The following ATP2B2 variants were observed in gnomAD, a reference collection of about 807,000 sequenced individuals.
The protein encoded by ATP2B2 is plasma membrane calcium-transporting ATPase 2.
ATP2B2 carries 15 observed loss-of-function variants against 120.0 expected under a neutral mutation model. The observed-to-expected ratio is 0.12, with a 90% CI of 0.08 to 0.19. The LOEUF is 0.19. Among genes scored for constraint, ATP2B2 ranks in the 10% least tolerant of loss-of-function variants. The pLI, the probability that ATP2B2 is intolerant of heterozygous loss-of-function variation, is 1.00. For missense variants in ATP2B2, 1,045 were observed against 1,719.8 expected (o/e 0.61, Z 6.94); for synonymous variants, 694 against 700.3 (o/e 0.99, Z 0.14).
chr3:10,388,538 T>C (rs1279658396), intron 5 of ATP2B2, 136 bp from the exon 6 acceptor site: 1 of 1,308,808 alleles, frequency 7.6e-7, no homozygotes, highest in African/African-American at 1.5e-5. Flanking sequence ...TGGTTAAGAT[T>C]CACACTGTGT....
Position 10,374,493 on chromosome 3 carries a change from C to A in ATP2B2, c.1416+937G>T, listed in dbSNP as rs551803065. ...CTCACCATGCCCTCTGGAGGCTCTG[C>A]CAATTTCTCAGAGTGAATGCCTCGT... On this transcript the variant is annotated intron_variant, in intron 11 of 22. Transcript: ENST00000360273. Among the ~76,000 whole-genome samples the A allele has an allele frequency of 2.0e-4, 31 of 152,362 alleles. 1 individual carries two copies. The South Asian group carries it at 6.0e-3, about 29-fold the overall frequency.
At chr3:10,699,763 C>T (rs1255920822) in intron 1 of ATP2B2, among the ~76,000 whole-genome samples, 1 of 152,066 alleles carries the variant, frequency 6.6e-6, no homozygotes, top group East Asian at 1.9e-4. Flanking sequence ...TTTTTATCTC[C>T]AGAGTGGGTT....
At chr3:10,337,503 TG>T (rs34396211) in intron 22 of ATP2B2, among the ~76,000 whole-genome samples, 151,901 of 152,006 alleles carry the variant, frequency 1, 75,898 homozygotes, top group Middle Eastern at 1. Context: ...GGTATGTGTG[TG>T]GGGGGGTCGG....
At chr3:10,519,829 T>A (rs1311125316) in intron 3 of ATP2B2, among the ~76,000 whole-genome samples, 1 of 152,270 alleles carries the variant, frequency 6.6e-6, no homozygotes, top group Non-Finnish European at 1.5e-5. Flanking sequence ...CTCCACTCTC[T>A]GTGCCAGCAC....
chr3:10,431,250 A>G (rs1482795250), intron 2 of ATP2B2, among the ~76,000 whole-genome samples: 2 of 152,318 alleles, frequency 1.3e-5, no homozygotes, highest in East Asian at 3.9e-4. Flanking sequence ...ACTGACTCCA[A>G]TTTTGAAAGT....
At chr3:10,438,646 G>A (rs1379751075) in intron 2 of ATP2B2, among the ~76,000 whole-genome samples, 3 of 152,224 alleles carry the variant, frequency 2.0e-5, no homozygotes, top group African/African-American at 7.2e-5. Context: ...ACCAGGAGGA[G>A]TAAGATAATC....
At chr3:10,549,198 C>T (rs2125508854) in intron 2 of ATP2B2, among the ~76,000 whole-genome samples, 1 of 152,266 alleles carries the variant, frequency 6.6e-6, no homozygotes, top group East Asian at 1.9e-4. Context: ...GGCTTCCTCC[C>T]CTGAGTTCTA....
chr3:10,565,723 A>T (rs1444000235), intron 2 of ATP2B2, among the ~76,000 whole-genome samples: 1 of 152,150 alleles, frequency 6.6e-6, no homozygotes, highest in Non-Finnish European at 1.5e-5. Context: ...ACAAACCTGG[A>T]TTCAAATCTT....
intron 1 of ATP2B2, among the ~76,000 whole-genome samples, chr3:10,643,482 A>C (rs1575587117): frequency 6.6e-6 from 1 of 152,294 alleles, no homozygotes; most frequent in East Asian, 1.9e-4. Flanking sequence ...AGAAAATAAT[A>C]ATGATGCAGT....
chr3:10,450,283 G>A (rs1343884698), intron 1 of ATP2B2, among the ~76,000 whole-genome samples: 5 of 151,790 alleles, frequency 3.3e-5, no homozygotes, highest in Non-Finnish European at 5.9e-5. Context: ...CTCAAGAATT[G>A]CTGTGCTCAC....
rs1618260 is a variant in ATP2B2, at chr3:10,358,580, T to C, written c.2136+111A>G. The C allele has an allele frequency of 0.17, 166,581 of 1,006,512 alleles. 15,561 individuals carry two copies. The highest frequency in any genetic ancestry group is 0.38 in the East Asian group (14,802 of 38,662). The allele number at this position is 1,006,512 out of a possible 1,614,324, so 62.3% of individuals were successfully genotyped here. On this transcript the variant is annotated intron_variant, in intron 14 of 22. Coordinates refer to ENST00000360273, the MANE Select transcript of ATP2B2 (RefSeq NM_001001331.4). The stretch of plus-strand genomic sequence containing the variant: ...TCAAGGAAGGAAATCCCCATGGGCA[T>C]TATGTGGAAACTGAGACTCAAAGAG...
At position 10,685,199 on chromosome 3, in the gene ATP2B2, G is replaced by A. The variant is rs566032260; in HGVS notation, c.-460+22716C>T. Among the ~76,000 whole-genome samples, 3 of 152,318 alleles carry A rather than the reference G, an allele frequency of 2.0e-5. 1 individual carries two copies. Among genetic ancestry groups the A allele is most frequent in the South Asian group, 2.1e-4 (1 of 4,828 alleles). ...GGATCAAATGAGGCACTCTGTAAAC[G>A]GCAAAGGCCTGAGGCTTGTTTTCCA... On this transcript the variant is annotated intron_variant, in intron 1 of 21. Transcript: ENST00000646379.
intron 1 of ATP2B2, among the ~76,000 whole-genome samples, chr3:10,681,762 T>A (rs116301783): frequency 0.027 from 4,166 of 152,282 alleles, 110 homozygotes; most frequent in South Asian, 0.13. Context: ...GACTTATCAA[T>A]GTTAAGGAAC....
At chr3:10,526,838 C>T (rs1427742787) in intron 3 of ATP2B2, among the ~76,000 whole-genome samples, 1 of 152,078 alleles carries the variant, frequency 6.6e-6, no homozygotes, top group Non-Finnish European at 1.5e-5. Flanking sequence ...ATAATAATAA[C>T]AATAATAGTA....
chr3:10,334,726 A>G (rs2060071119), intron 22 of ATP2B2, among the ~76,000 whole-genome samples: 1 of 152,280 alleles, frequency 6.6e-6, no homozygotes, highest in South Asian at 2.1e-4. Flanking sequence ...GACATTTGCC[A>G]TCAACAGGCT....
intron 2 of ATP2B2, among the ~76,000 whole-genome samples, chr3:10,609,937 C>T (rs2069183733): frequency 6.6e-6 from 1 of 152,084 alleles, no homozygotes; most frequent in Non-Finnish European, 1.5e-5. Flanking sequence ...TGTCACCTCA[C>T]CATCTCCATT....
intron 2 of ATP2B2, among the ~76,000 whole-genome samples, chr3:10,608,458 C>T (rs1354556539): frequency 2.0e-5 from 3 of 152,254 alleles, no homozygotes; most frequent in Admixed American, 1.3e-4. Context: ...GTGTCTCTCA[C>T]CTGTCTGTAA....
chr3:10,681,369 G>T (rs898487024), intron 1 of ATP2B2, among the ~76,000 whole-genome samples: 4 of 152,280 alleles, frequency 2.6e-5, no homozygotes, highest in African/African-American at 9.6e-5. Context: ...GCTGTGTGCT[G>T]GGAACCTCCT....
chr3:10,340,389 G>A lies in ATP2B2; in HGVS notation c.3130-40C>T, dbSNP rs1320392004. 1.2e-6 allele frequency: 2 copies of A among 1,600,270 alleles called. No homozygotes were observed. Among genetic ancestry groups the A allele is most frequent in the South Asian group, 1.1e-5 (1 of 90,764 alleles). On this transcript the variant is annotated intron_variant, in intron 20 of 22. Transcript: ENST00000360273. This position sits in a 1 kb window ranked among gnomAD's most constrained non-coding sequence, Gnocchi z 5.0. ...GGAGCAGAGAAAGAGAGAGAGAGAG[G>A]CCATCAGGGACCAGCACAGAGGGCT... is the stretch of plus-strand genomic sequence containing the variant.
Sources: gnomAD v4.1 joint callset for allele counts (sites outside exome capture counted in the v4.1 genomes callset) on GRCh38, gnomAD v4.1.1 for gene constraint, Gnocchi (gnomAD v3.1) non-coding constraint, MANE v1.5 for transcripts, NCBI Gene and HGNC (gene_info 2026-07-23, HGNC 2026-07-21) for gene names.